Variants in STARD6 observed in about 807,000 individuals in gnomAD.
STARD6 encodes the protein stAR-related lipid transfer protein 6.
A neutral mutation model predicts 22.3 loss-of-function variants in STARD6; 21 were observed. That is an observed-to-expected ratio of 0.94 (90% confidence interval 0.67 to 1.35). The LOEUF (loss-of-function observed/expected upper bound fraction) is 1.35, where lower values mean the gene tolerates loss of function less well. Ranked by LOEUF, STARD6 falls within the 40% of genes most tolerant of loss-of-function variation. The pLI is 0.00. For synonymous variants in STARD6, 80 were observed against 88.1 expected (o/e 0.91, Z 0.52); for missense variants, 269 against 266.9 (o/e 1.01, Z -0.05).
At position 54,331,815 on chromosome 18, in the gene STARD6, G is replaced by A. The variant is rs746028518; in HGVS notation, c.312C>T (p.Gly104=). The A allele has an allele frequency of 6.2e-7, 1 of 1,613,352 alleles. No homozygotes were observed. The highest frequency in any genetic ancestry group is 8.5e-7 in the Non-Finnish European group (1 of 1,179,516). The change falls in exon 6 of 8, where the codon GGC becomes GGT. Residue 104 remains glycine, a synonymous_variant. Coordinates refer to ENST00000307844, the MANE Select transcript of STARD6 (RefSeq NM_139171.2). ...CHTITQSFAV[G]SISPRDFIDL... ...CGATAAAGTCTCGAGGGGAAATGGAGCCCACGGCAAAACTTTGTGTAATGG... is the reference window on the plus strand; with the variant it reads ...CGATAAAGTCTCGAGGGGAAATGGAACCCACGGCAAAACTTTGTGTAATGG...
chr18:54,330,445 T>A (rs905353531), intron 6 of STARD6, among the ~76,000 whole-genome samples: 1 of 152,110 alleles, frequency 6.6e-6, no homozygotes, highest in Non-Finnish European at 1.5e-5. Context: ...GCACTTATTT[T>A]GGAAAATCAG....
chr18:54,353,970 A>G (rs1007097996), intron 4 of STARD6, 84 bp downstream of exon 4: 2 of 752,210 alleles, frequency 2.7e-6, no homozygotes, highest in Non-Finnish European at 4.4e-6. Flanking sequence ...AATTTATTAT[A>G]GCTAATGAAG....
chr18:54,357,221 A>T (rs1384353143), intron 1 of STARD6: 1 of 152,208 alleles, frequency 6.6e-6, no homozygotes, highest in African/African-American at 2.4e-5. Context: ...ACTTACAGAC[A>T]GGTTCACACA....
At chr18:54,332,715 C>T (rs1296209768) in intron 5 of STARD6, among the ~76,000 whole-genome samples, 1 of 152,118 alleles carries the variant, frequency 6.6e-6, no homozygotes, top group Non-Finnish European at 1.5e-5. Context: ...GGAATCTCTC[C>T]CTCACCAGTA....
chr18:54,346,181 A>G (rs2089032252), intron 4 of STARD6, among the ~76,000 whole-genome samples: 1 of 152,194 alleles, frequency 6.6e-6, no homozygotes, highest in Non-Finnish European at 1.5e-5. Context: ...ATACTAAACT[A>G]GTATCCACAG....
rs1369004866 is a variant in STARD6, at chr18:54,348,947, CAATAT to C, written c.140+5102_140+5106del. ...GATATATAACTTCCCATTTGGTAGC[CAATAT>C]AATATAACTGAAGTCCATAAATTCA... On this transcript the variant is annotated intron_variant, in intron 4 of 7. Transcript: ENST00000307844. Among the ~76,000 whole-genome samples the C allele has an allele frequency of 2.0e-5, 3 of 151,646 alleles. No homozygotes were observed. The South Asian group carries it at 6.3e-4, about 32-fold the overall frequency.
Position 54,354,516 on chromosome 18 carries a change from C to A in STARD6, c.58G>T (p.Asp20Tyr), listed in dbSNP as rs142770263. ...TTAACCACTTTCCAGCCTGATGTAT[C>A]TCGATTATAACCTAAAACTTCTTGG... ...TAQEVLGYNR[D>Y]TSGWKVVKTS... Residue 20 changes from aspartate (D) to tyrosine (Y), a missense_variant, in exon 3 of 8, where the codon GAT becomes TAT. Asp to Tyr is a radical substitution (Grantham distance 160). Transcript: ENST00000307844. 7 of 1,613,380 alleles carry A rather than the reference C, an allele frequency of 4.3e-6. No homozygotes were observed. The African/African-American group carries it at 9.3e-5, about 22-fold the overall frequency.
intron 5 of STARD6, among the ~76,000 whole-genome samples, chr18:54,333,406 G>C (rs1042306768): frequency 6.6e-6 from 1 of 152,084 alleles, no homozygotes; most frequent in African/African-American, 2.4e-5. Context: ...CCGAGATTGT[G>C]CCACTGCACT....
At position 54,341,752 on chromosome 18, in the gene STARD6, T is replaced by C. The variant is rs147405341; in HGVS notation, c.141-4501A>G. Among the ~76,000 whole-genome samples, 53 of 152,258 alleles carry C rather than the reference T, an allele frequency of 3.5e-4. No homozygotes were observed. The East Asian group carries it at 9.8e-3, about 28-fold the overall frequency. On this transcript the variant is annotated intron_variant, in intron 4 of 7. Coordinates refer to ENST00000307844, the MANE Select transcript of STARD6 (RefSeq NM_139171.2). ...TGAAAACCCAACATGCCAAAACTTA[T>C]GGGATGCTGCAAAAGCAGTGCTTAG... is the stretch of plus-strand genomic sequence containing the variant.
At chr18:54,357,587 C>A (rs2089166127) in intron 1 of STARD6, among the ~76,000 whole-genome samples, 1 of 152,168 alleles carries the variant, frequency 6.6e-6, no homozygotes, top group Non-Finnish European at 1.5e-5. Flanking sequence ...GCGACCGGAA[C>A]GACAGCCGCC....
At chr18:54,325,722 A>C (rs1206174674) in intron 7 of STARD6, among the ~76,000 whole-genome samples, 1 of 151,784 alleles carries the variant, frequency 6.6e-6, no homozygotes, top group Non-Finnish European at 1.5e-5. Context: ...TAGATTTTAA[A>C]ATTTTTTTAA....
intron 5 of STARD6, among the ~76,000 whole-genome samples, chr18:54,332,870 A>G (rs2088876440): frequency 6.6e-6 from 1 of 152,172 alleles, no homozygotes; most frequent in Non-Finnish European, 1.5e-5. Context: ...ACAACACTGC[A>G]CTCTAGCCTG....
intron 4 of STARD6, among the ~76,000 whole-genome samples, chr18:54,339,197 C>A (rs1029809179): frequency 2.0e-5 from 3 of 147,314 alleles, no homozygotes; most frequent in Non-Finnish European, 4.5e-5. Flanking sequence ...CATCAATATA[C>A]ACATTTTGAG....
intron 6 of STARD6, 44 bp downstream of exon 6, chr18:54,331,698 G>A: frequency 7.9e-7 from 1 of 1,263,122 alleles, no homozygotes; most frequent in Non-Finnish European, 1.1e-6. Context: ...ATTTATTAAT[G>A]GCTCGCAGTA....
chr18:54,333,705 A>G (rs1296366498), intron 5 of STARD6, among the ~76,000 whole-genome samples: 1 of 152,234 alleles, frequency 6.6e-6, no homozygotes, highest in African/African-American at 2.4e-5. Context: ...GGGCTTTTCT[A>G]TAACTCTTCT....
chr18:54,331,770 G>A lies in STARD6; in HGVS notation c.357C>T (p.Arg119=), dbSNP rs1463191123. 2 of 1,611,168 alleles carry A rather than the reference G, an allele frequency of 1.2e-6. No homozygotes were observed. The highest frequency in any genetic ancestry group is 1.1e-5 in the South Asian group (1 of 90,478). ...TGATAATGTTCATATTTCCTTCGTA[G>A]CGCTTGATGTACACTAAGTCGATAA... The part of the protein sequence containing the change: ...RDFIDLVYIK[R]YEGNMNIISS... The change falls in exon 6 of 8, where the codon CGC becomes CGT. Residue 119 remains arginine, a synonymous_variant. Transcript: ENST00000307844.
chr18:54,337,518 T>C (rs2088927218), intron 4 of STARD6, among the ~76,000 whole-genome samples: 1 of 152,214 alleles, frequency 6.6e-6, no homozygotes, highest in Admixed American at 6.5e-5. Context: ...TCAAAACTTA[T>C]AATGGGATTT....
intron 5 of STARD6, 73 bp from the exon 6 acceptor site, chr18:54,331,932 T>A (rs970742720): frequency 1.9e-6 from 2 of 1,047,672 alleles, no homozygotes; most frequent in Non-Finnish European, 2.8e-6. Context: ...CCCCCCCAAA[T>A]TTTATTGCAT....
At chr18:54,341,327 G>A (rs1023119017) in intron 4 of STARD6, among the ~76,000 whole-genome samples, 1 of 152,174 alleles carries the variant, frequency 6.6e-6, no homozygotes, top group African/African-American at 2.4e-5. Context: ...CCAAAGTGCT[G>A]GGATTACAGG....
Sources: allele counts gnomAD v4.1 joint callset (sites outside exome capture counted in the v4.1 genomes callset), GRCh38; gene constraint gnomAD v4.1.1; transcripts MANE v1.5; gene names NCBI Gene and HGNC (gene_info 2026-07-23, HGNC 2026-07-21).